The following TOP1 variants were observed in gnomAD, a reference collection of about 807,000 sequenced individuals.
TOP1 encodes the protein DNA topoisomerase 1.
A neutral mutation model predicts 111.1 loss-of-function variants in TOP1; 10 were observed. The ratio of observed to expected loss-of-function variants is 0.09; its 90% confidence interval spans 0.06 to 0.15. The LOEUF is 0.15. Among genes scored for constraint, TOP1 ranks in the 10% least tolerant of loss-of-function variants. The probability of loss-of-function intolerance (pLI) is 1.00; values close to 1 mark genes in which losing one functional copy is unlikely to be tolerated. For synonymous variants in TOP1, 271 were observed against 302.9 expected (o/e 0.89, Z 1.10); for missense variants, 474 against 926.7 (o/e 0.51, Z 6.34).
intron 2 of TOP1, among the ~76,000 whole-genome samples, chr20:41,060,732 C>T (rs1479381417): frequency 6.6e-6 from 1 of 152,154 alleles, no homozygotes; most frequent in Non-Finnish European, 1.5e-5. Context: ...TAAAATGGCA[C>T]AGTATTTGCA....
intron 8 of TOP1, among the ~76,000 whole-genome samples, chr20:41,087,489 A>G (rs1056894464): frequency 2.6e-5 from 4 of 152,230 alleles, no homozygotes; most frequent in African/African-American, 9.6e-5. Context: ...GGAGTTTTCA[A>G]TCTCTTAGCA....
At chr20:41,088,812 T>G (rs1172350736) in intron 8 of TOP1, among the ~76,000 whole-genome samples, 1 of 152,122 alleles carries the variant, frequency 6.6e-6, no homozygotes, top group Non-Finnish European at 1.5e-5. Context: ...TCCTTTGAGG[T>G]CTAAGATTCT....
At chr20:41,103,164 AAC>A (rs2034091322) in intron 13 of TOP1, among the ~76,000 whole-genome samples, 1 of 152,214 alleles carries the variant, frequency 6.6e-6, no homozygotes, top group African/African-American at 2.4e-5. Context: ...TGATCAAAAT[AAC>A]AGAGTTACTA....
At position 41,029,611 on chromosome 20, in the gene TOP1, TGACCCCCTTTCCGGG is replaced by T. The variant is rs2033091215; in HGVS notation, c.58+163_58+177del. The T allele has an allele frequency of 1.5e-6, 1 of 688,976 alleles. No homozygotes were observed. Among genetic ancestry groups the T allele is most frequent in the East Asian group, 3.0e-5 (1 of 33,752 alleles). The allele number at this position is 688,976 out of a possible 1,614,324, so 42.7% of individuals were successfully genotyped here. ...CCATTGTTCCCATCGGGCCGCCTCT[TGACCCCCTTTCCGGG>T]GACCCCAGCTCCTCCAGATCCCGGC... On this transcript the variant is annotated intron_variant, in intron 2 of 20. Transcript: ENST00000361337. The surrounding 1 kb of genome is among the most constrained non-coding windows in gnomAD (Gnocchi z 6.1).
chr20:41,057,703 A>G (rs1400967627), intron 2 of TOP1, among the ~76,000 whole-genome samples: 5 of 152,124 alleles, frequency 3.3e-5, no homozygotes, highest in Non-Finnish European at 7.4e-5. Flanking sequence ...CTTCATATGT[A>G]TTTATGCGTT....
chr20:41,090,786 G>A (rs2033911119), intron 8 of TOP1, among the ~76,000 whole-genome samples: 2 of 152,204 alleles, frequency 1.3e-5, no homozygotes, highest in Non-Finnish European at 2.9e-5. Flanking sequence ...GATTACAGGT[G>A]TGAGGTACTC....
At chr20:41,117,721 G>A (rs1355488257) in intron 17 of TOP1, among the ~76,000 whole-genome samples, 1 of 151,924 alleles carries the variant, frequency 6.6e-6, no homozygotes, top group African/African-American at 2.4e-5. Flanking sequence ...TCAATTCCTC[G>A]TTCTGTTCTG....
intron 13 of TOP1, among the ~76,000 whole-genome samples, chr20:41,107,810 T>C (rs1421802358): frequency 6.6e-6 from 1 of 152,112 alleles, no homozygotes; most frequent in Non-Finnish European, 1.5e-5. Flanking sequence ...TCTCTTTTCT[T>C]TCCCTTCTTC....
chr20:41,071,735 G>C lies in TOP1; in HGVS notation c.156-4436G>C, dbSNP rs1294896648. The stretch of plus-strand genomic sequence containing the variant: ...AAGGTGGCTTTGGATCTTTCCATTT[G>C]TTCTCTTTAGCGCTGACTTTTGCTT... On this transcript the variant is annotated intron_variant, in intron 3 of 20. Transcript: ENST00000361337. This position sits in a 1 kb window ranked among gnomAD's most constrained non-coding sequence, Gnocchi z 4.3. Among the ~76,000 whole-genome samples, 2 of 152,188 alleles carry C rather than the reference G, an allele frequency of 1.3e-5. No homozygotes were observed. Among genetic ancestry groups the C allele is most frequent in the African/African-American group, 4.8e-5 (2 of 41,452 alleles).
At position 41,117,478 on chromosome 20, in the gene TOP1, T is replaced by TG. The variant is rs538836652; in HGVS notation, c.1823-687dup. ...TCGGCTCACTGCAAGCTCCGCCTCC[T>TG]GGGGTTCACGCCATTCTCCTGCCTC... On this transcript the variant is annotated intron_variant, in intron 17 of 20. Coordinates refer to ENST00000361337, the MANE Select transcript of TOP1 (RefSeq NM_003286.4). Among the ~76,000 whole-genome samples the TG allele has an allele frequency of 2.3e-3, 315 of 136,600 alleles. 1 individual carries two copies. The highest frequency in any genetic ancestry group is 7.2e-3 in the African/African-American group (257 of 35,460). 89.6% of individuals were successfully genotyped at this position (136,600 alleles called of 152,430 possible).
In TOP1 at chr20:41,071,102, T is replaced by C. The variant is rs147203357; in HGVS notation, c.156-5069T>C. 2.0e-5 allele frequency among the ~76,000 whole-genome samples: 3 copies of C among 152,244 alleles called. No homozygotes were observed. Among genetic ancestry groups the C allele is most frequent in the Non-Finnish European group, 2.9e-5 (2 of 68,008 alleles). ...GCCAACATTCTAGCTTTCCAGAATA[T>C]CAGTATTTTGTTGTGGTAGCGGTGG... On this transcript the variant is annotated intron_variant, in intron 3 of 20. Coordinates refer to ENST00000361337, the MANE Select transcript of TOP1 (RefSeq NM_003286.4). This position sits in a 1 kb window ranked among gnomAD's most constrained non-coding sequence, Gnocchi z 4.3.
chr20:41,091,720 C>T (rs2033922800), intron 8 of TOP1, among the ~76,000 whole-genome samples: 1 of 151,836 alleles, frequency 6.6e-6, no homozygotes, highest in Admixed American at 6.6e-5. Flanking sequence ...CCATGCCCAG[C>T]TAATTTTTGT....
intron 3 of TOP1, among the ~76,000 whole-genome samples, chr20:41,075,709 T>C (rs1216969825): frequency 6.6e-6 from 1 of 152,232 alleles, no homozygotes; most frequent in Non-Finnish European, 1.5e-5. Flanking sequence ...TAGTTAAAAC[T>C]AGAAGGAAAT....
Position 41,058,853 on chromosome 20 carries a change from A to G in TOP1, c.59-2541A>G, listed in dbSNP as rs2033507273. Among the ~76,000 whole-genome samples the G allele has an allele frequency of 6.6e-6, 1 of 152,200 alleles. No individual in the cohort carries two copies. Among genetic ancestry groups the G allele is most frequent in the South Asian group, 2.1e-4 (1 of 4,826 alleles). On this transcript the variant is annotated intron_variant, in intron 2 of 20. Transcript: ENST00000361337. The surrounding 1 kb of genome is among the most constrained non-coding windows in gnomAD (Gnocchi z 4.2). Reference sequence around the variant, plus strand: ...AACGCCAAGACAATTTAATGGGGAAAGGGCCATCTTTTAAAAAATAATGCT... The same window carrying G: ...AACGCCAAGACAATTTAATGGGGAAGGGGCCATCTTTTAAAAAATAATGCT...
At chr20:41,056,772 G>A (rs1375098809) in intron 2 of TOP1, among the ~76,000 whole-genome samples, 1 of 152,122 alleles carries the variant, frequency 6.6e-6, no homozygotes, top group Non-Finnish European at 1.5e-5. Flanking sequence ...ATGAGCCACC[G>A]TGCTCAGCCA....
In TOP1 at chr20:41,067,301, G is replaced by C. The variant is rs1014923049; in HGVS notation, c.155+5811G>C. Among the ~76,000 whole-genome samples the C allele has an allele frequency of 6.6e-6, 1 of 151,438 alleles. No individual in the cohort carries two copies. The highest frequency in any genetic ancestry group is 2.1e-4 in the South Asian group (1 of 4,798). ...ACGCCGAGCTAATTTTTGTATTTTT[G>C]GTAGAGACGAGGTTTCACCATATTG... On this transcript the variant is annotated intron_variant, in intron 3 of 20. Coordinates refer to ENST00000361337, the MANE Select transcript of TOP1 (RefSeq NM_003286.4). This position sits in a 1 kb window ranked among gnomAD's most constrained non-coding sequence, Gnocchi z 4.0.
chr20:41,041,906 G>GATTATT (rs201654924), intron 2 of TOP1, among the ~76,000 whole-genome samples: 22 of 149,434 alleles, frequency 1.5e-4, no homozygotes, highest in African/African-American at 5.6e-4. Context: ...TGATGATGAT[G>GATTATT]ATTATTATTA....
At chr20:41,056,556 G>A (rs992512370) in intron 2 of TOP1, among the ~76,000 whole-genome samples, 4 of 152,108 alleles carry the variant, frequency 2.6e-5, no homozygotes, top group Non-Finnish European at 5.9e-5. Flanking sequence ...TGTAATCATA[G>A]CTCCATCCTT....
intron 2 of TOP1, among the ~76,000 whole-genome samples, chr20:41,037,789 T>C (rs2033207849): frequency 6.6e-6 from 1 of 152,208 alleles, no homozygotes; most frequent in African/African-American, 2.4e-5. Flanking sequence ...TAGTGTTCAT[T>C]AGGTTTAAGC....
Sources: gnomAD v4.1 joint callset for allele counts (sites outside exome capture counted in the v4.1 genomes callset) on GRCh38, gnomAD v4.1.1 for gene constraint, Gnocchi (gnomAD v3.1) non-coding constraint, MANE v1.5 for transcripts, NCBI Gene and HGNC (gene_info 2026-07-23, HGNC 2026-07-21) for gene names.